The following ATM variants were observed in gnomAD, a reference collection of about 807,000 sequenced individuals.
ATM encodes ATM serine/threonine kinase.
ATM carries 308 observed loss-of-function variants against 387.0 expected under a neutral mutation model. The observed-to-expected ratio is 0.80, with a 90% CI of 0.73 to 0.87. The LOEUF is 0.87. ATM is among the 40% of genes least tolerant of loss of function. The pLI is 0.00. For synonymous variants in ATM, 1,156 were observed against 1,187.3 expected, an observed-to-expected ratio of 0.97 and a Z score of 0.54; for missense variants, 3,312 against 3,560.9, an observed-to-expected ratio of 0.93 and a Z score of 1.78.
rs2135406402 is a variant in ATM at position 108,257,516 on chromosome 11, G to A, written c.2286G>A (p.Leu762=). ...AATGTGCAGGAGAAAGTATCACTCT[G>A]TTTAAAAATAAGACAAATGAGGAAT... ...LMQCAGESIT[L]FKNKTNEEFR... is the part of the protein sequence containing the mutation. The change falls in exon 15 of 63, where the codon CTG becomes CTA. Residue 762 remains leucine, a synonymous_variant. Coordinates refer to ENST00000675843, the MANE Select transcript of ATM (RefSeq NM_000051.4). 6.2e-7 allele frequency: 1 copy of A among 1,613,778 alleles called. No homozygotes were observed. Among genetic ancestry groups the A allele is most frequent in the Non-Finnish European group, 8.5e-7 (1 of 1,179,870 alleles).
chr11:108,317,764 C>A (rs1034790254), intron 43 of ATM, among the ~76,000 whole-genome samples: 8 of 149,562 alleles, frequency 5.3e-5, no homozygotes, highest in Non-Finnish European at 1.0e-4. Context: ...TATAGATAGC[C>A]CTAAATCCTT....
Position 108,293,446 on chromosome 11 carries a change from A to C in ATM, c.4745A>C (p.Lys1582Thr). The part of the protein sequence containing the change: ...KDLRITQQKI[K>T]YSRGPFSLLE... ...TTGCGTATTACTCAGCAAAAAATCA[A>C]ATACAGTAGAGGACCCTTTTCACTC... is the stretch of plus-strand genomic sequence containing the variant. The change falls in exon 31 of 63, where the codon AAA becomes ACA. Residue 1582 changes from lysine (K) to threonine (T), a missense_variant. This residue lies in a region of ATM where 1,405 missense variants were observed against 1,604.4 expected (regional missense o/e 0.88). Coordinates refer to ENST00000675843, the MANE Select transcript of ATM (RefSeq NM_000051.4). 1 of 1,612,746 alleles carries C rather than the reference A, an allele frequency of 6.2e-7. No homozygotes were observed. The highest frequency in any genetic ancestry group is 8.5e-7 in the Non-Finnish European group (1 of 1,179,120).
chr11:108,246,071 G>A (rs953102345), intron 7 of ATM, among the ~76,000 whole-genome samples: 3 of 151,796 alleles, frequency 2.0e-5, no homozygotes, highest in Admixed American at 6.6e-5. Context: ...CCATCCACCC[G>A]CCTCAGCCTC....
chr11:108,348,369 T>G (rs1565569589), intron 59 of ATM, among the ~76,000 whole-genome samples: 2 of 151,436 alleles, frequency 1.3e-5, no homozygotes, highest in African/African-American at 4.8e-5. Flanking sequence ...AATAGACAGT[T>G]TAATATATAA....
At position 108,316,060 on chromosome 11, in the gene ATM, T is replaced by A. The variant is rs786203767; in HGVS notation, c.6145T>A (p.Tyr2049Asn). ...AATGTGGGGCAAAGCCCTAGTAACA[T>A]ATGACCTCGAAACAGCAATCCCCTC... The part of the protein sequence containing the change: ...EAMWGKALVT[Y>N]DLETAIPSST... The change falls in exon 42 of 63, where the codon TAT becomes AAT. Residue 2049 changes from tyrosine (Y) to asparagine (N), a missense_variant. Tyr to Asn is a moderately radical substitution (Grantham distance 143). Around this residue, in one of 4 missense-constraint regions of ATM, gnomAD observed 1,405 missense variants for 1,604.4 expected, o/e 0.88. Coordinates refer to ENST00000675843, the MANE Select transcript of ATM (RefSeq NM_000051.4). 6.2e-7 allele frequency: 1 copy of A among 1,614,162 alleles called. No homozygotes were observed. The highest frequency in any genetic ancestry group is 8.5e-7 in the Non-Finnish European group (1 of 1,180,020).
At chr11:108,241,416 A>C (rs1040263445) in intron 5 of ATM, among the ~76,000 whole-genome samples, 1 of 152,248 alleles carries the variant, frequency 6.6e-6, no homozygotes, top group Non-Finnish European at 1.5e-5. Flanking sequence ...TGTACTATAC[A>C]TGATTGTATG....
At chr11:108,288,603 A>G (rs2082620579) in intron 27 of ATM, among the ~76,000 whole-genome samples, 1 of 149,894 alleles carries the variant, frequency 6.7e-6, no homozygotes, top group African/African-American at 2.5e-5. Flanking sequence ...TGCTGTCTAA[A>G]TAAGTGTTGA....
rs1354639598 is a variant in ATM at position 108,366,691 on chromosome 11, A to T, written c.*1183A>T. ...TCCATACCTGAAGTGTAGCATAAATACTGATAGGAGATTTCCCAGGCCAAG... is the reference window on the plus strand; with the variant it reads ...TCCATACCTGAAGTGTAGCATAAATTCTGATAGGAGATTTCCCAGGCCAAG... On this transcript the variant is annotated 3_prime_UTR_variant, in exon 63 of 63. Transcript: ENST00000675843. 4.3e-6 allele frequency: 1 copy of T among 231,378 alleles called. No homozygotes were observed. Among genetic ancestry groups the T allele is most frequent in the Non-Finnish European group, 8.6e-6 (1 of 116,938 alleles). The allele number at this position is 231,378 out of a possible 1,614,324, so 14.3% of individuals were successfully genotyped here. A position where few individuals can be genotyped will look rare whatever the true frequency, so the allele number is the denominator to read the frequency against.
chr11:108,358,906 G>C (rs2090368217), intron 61 of ATM, among the ~76,000 whole-genome samples: 1 of 151,404 alleles, frequency 6.6e-6, no homozygotes. Context: ...AAAATCACCA[G>C]CTAACATCAT....
chr11:108,294,904 G>A (rs751327814), intron 31 of ATM, 23 bp from the exon 32 acceptor site: 1 of 1,612,862 alleles, frequency 6.2e-7, no homozygotes, highest in Non-Finnish European at 8.5e-7. Flanking sequence ...CGTGTTAAAA[G>A]CAAGTTACAT....
At chr11:108,261,135 C>T (rs2080852586) in intron 16 of ATM, among the ~76,000 whole-genome samples, 1 of 152,224 alleles carries the variant, frequency 6.6e-6, no homozygotes, top group Non-Finnish European at 1.5e-5. Flanking sequence ...TGGAGCCCAC[C>T]ACAGCTCAAG....
chr11:108,297,805 C>G (rs1285129136), intron 33 of ATM, among the ~76,000 whole-genome samples: 2 of 152,006 alleles, frequency 1.3e-5, no homozygotes, highest in East Asian at 3.9e-4. Flanking sequence ...TTAAAATGTC[C>G]CTAAAAAGGC....
chr11:108,227,415 C>T lies in ATM; in HGVS notation c.-30-180C>T, dbSNP rs4987897. On this transcript the variant is annotated intron_variant, in intron 1 of 62. Coordinates refer to ENST00000675843, the MANE Select transcript of ATM (RefSeq NM_000051.4). The stretch of plus-strand genomic sequence containing the variant: ...TTTTAAGAAAATCTCATTTTAAATA[C>T]GGAAATGTTAAGAAAAATTATTGTG... 2,539 of 516,230 alleles carry T rather than the reference C, an allele frequency of 4.9e-3. 63 individuals are homozygous for T. Among genetic ancestry groups the T allele is most frequent in the African/African-American group, 0.043 (2,233 of 52,068 alleles). 32.0% of individuals were successfully genotyped at this position (516,230 alleles called of 1,614,324 possible).
chr11:108,314,369 G>A (rs972724058), intron 40 of ATM, among the ~76,000 whole-genome samples: 8 of 152,076 alleles, frequency 5.3e-5, no homozygotes, highest in Admixed American at 3.9e-4. Context: ...GCTACCCAAA[G>A]TACTGGGATT....
At chr11:108,346,126 T>C (rs2088354802) in intron 58 of ATM, among the ~76,000 whole-genome samples, 1 of 152,180 alleles carries the variant, frequency 6.6e-6, no homozygotes, top group Non-Finnish European at 1.5e-5. Context: ...AGAATTCTCC[T>C]ACTTCAATAA....
intron 52 of ATM, 123 bp from the exon 53 acceptor site, chr11:108,332,639 A>T: frequency 9.3e-7 from 1 of 1,072,134 alleles, no homozygotes; most frequent in East Asian, 2.6e-5. Flanking sequence ...TATCTGAGGA[A>T]TTATAATCAT....
At chr11:108,263,194 A>G (rs56128575) in intron 16 of ATM, among the ~76,000 whole-genome samples, 13,780 of 141,300 alleles carry the variant, frequency 0.098, 710 homozygotes, top group Non-Finnish European at 0.13. Context: ...TTTTTTCAGC[A>G]CCACACCACA....
At chr11:108,326,396 C>T (rs1165809641) in intron 47 of ATM, among the ~76,000 whole-genome samples, 171 bp downstream of exon 47, 2 of 150,070 alleles carry the variant, frequency 1.3e-5, no homozygotes, top group South Asian at 2.1e-4. Context: ...AGTTTAGAAA[C>T]TTTTTCCTAT....
chr11:108,289,159 A>C (rs1312547612), intron 28 of ATM, 56 bp downstream of exon 28: 18 of 1,525,010 alleles, frequency 1.2e-5, no homozygotes, highest in Non-Finnish European at 1.5e-5. Flanking sequence ...TAGCTAAAAA[A>C]ACTTTGTAAA....
Sources: allele counts gnomAD v4.1 joint callset (sites outside exome capture counted in the v4.1 genomes callset), GRCh38; gene constraint gnomAD v4.1.1; regional missense constraint gnomAD v4.1.1; transcripts MANE v1.5; gene names NCBI Gene and HGNC (gene_info 2026-07-23, HGNC 2026-07-21).